ANKRD30BL: variants seen among roughly 807,000 people sequenced by gnomAD.
The protein encoded by ANKRD30BL is ankyrin repeat domain 30B like.
Under a neutral mutation model 18.4 loss-of-function variants are expected in ANKRD30BL, and 20 were observed. The ratio of observed to expected loss-of-function variants is 1.09; its 90% CI spans 0.77 to 1.58. The LOEUF is 1.58. ANKRD30BL is among the 40% of genes most tolerant of loss of function. The pLI, the probability that ANKRD30BL is intolerant of heterozygous loss-of-function variation, is 0.00. For synonymous variants in ANKRD30BL, 72 were observed against 100.9 expected (o/e 0.71, Z 1.72); for missense variants, 224 against 268.6 (o/e 0.83, Z 1.16).
chr2:132,174,697 A>C (rs1371198363), intron 1 of ANKRD30BL, among the ~76,000 whole-genome samples: 1 of 152,218 alleles, frequency 6.6e-6, no homozygotes, highest in Admixed American at 6.5e-5. Flanking sequence ...ACAGTTTAAG[A>C]AGTCAGATCT....
intron 3 of ANKRD30BL, chr2:132,155,373 C>T (rs750890199): frequency 6.6e-6 from 1 of 152,084 alleles, no homozygotes; most frequent in African/African-American, 2.4e-5. Flanking sequence ...AAAGCTTCCC[C>T]CCAAAAATGG....
chr2:132,243,825 A>G (rs1349970626), intron 1 of ANKRD30BL, among the ~76,000 whole-genome samples: 23 of 152,206 alleles, frequency 1.5e-4, no homozygotes, highest in Admixed American at 1.5e-3. Context: ...TACATTGAGC[A>G]GTTTTGAAAC....
At chr2:132,234,599 A>C (rs1406830687) in intron 1 of ANKRD30BL, among the ~76,000 whole-genome samples, 9 of 152,160 alleles carry the variant, frequency 5.9e-5, no homozygotes, top group East Asian at 5.8e-4. Context: ...GAAATGGATA[A>C]ATCCCTTGAC....
intron 1 of ANKRD30BL, among the ~76,000 whole-genome samples, chr2:132,158,067 G>A (rs1687959316): frequency 6.6e-6 from 1 of 151,996 alleles, no homozygotes; most frequent in Non-Finnish European, 1.5e-5. Context: ...ATCTTGTATT[G>A]GTACATAAAT....
intron 1 of ANKRD30BL, among the ~76,000 whole-genome samples, chr2:132,171,083 A>G (rs181865003): frequency 6.7e-6 from 1 of 149,824 alleles, no homozygotes; most frequent in Non-Finnish European, 1.5e-5. Flanking sequence ...GTGAACCCGG[A>G]GGCGGAGCCT....
chr2:132,180,204 C>G (rs1688437881), intron 1 of ANKRD30BL, among the ~76,000 whole-genome samples: 1 of 146,680 alleles, frequency 6.8e-6, no homozygotes, highest in African/African-American at 2.6e-5. Flanking sequence ...TGGTAAGTGC[C>G]CTCTACAAGT....
chr2:132,197,676 A>G (rs1678994671), intron 1 of ANKRD30BL, among the ~76,000 whole-genome samples: 1 of 151,752 alleles, frequency 6.6e-6, no homozygotes, highest in Non-Finnish European at 1.5e-5. Context: ...TAGATTATTT[A>G]TTTATAGGTT....
chr2:132,205,269 G>A (rs967431173), intron 1 of ANKRD30BL, among the ~76,000 whole-genome samples: 19 of 152,068 alleles, frequency 1.2e-4, no homozygotes, highest in African/African-American at 4.4e-4. Flanking sequence ...ATTAAGACTA[G>A]TACTTACACA....
chr2:132,239,378 T>C (rs79190897), intron 1 of ANKRD30BL, among the ~76,000 whole-genome samples: 1 of 152,066 alleles, frequency 6.6e-6, no homozygotes, highest in Admixed American at 6.6e-5. Flanking sequence ...AACATTCCTT[T>C]TCATAGAGCA....
intron 1 of ANKRD30BL, among the ~76,000 whole-genome samples, chr2:132,228,214 T>A (rs1185238156): frequency 2.0e-5 from 3 of 151,758 alleles, no homozygotes; most frequent in African/African-American, 7.3e-5. Flanking sequence ...ATCTGCAAGT[T>A]AACATTTGGA....
At chr2:132,245,719 CT>C (rs199682602) in intron 1 of ANKRD30BL, among the ~76,000 whole-genome samples, 2 of 152,056 alleles carry the variant, frequency 1.3e-5, no homozygotes, top group African/African-American at 4.8e-5. Context: ...TTGAAACACT[CT>C]TTTTTTGTAG....
At chr2:132,206,901 A>G (rs201525046) in intron 1 of ANKRD30BL, among the ~76,000 whole-genome samples, 1 of 152,240 alleles carries the variant, frequency 6.6e-6, no homozygotes, top group Non-Finnish European at 1.5e-5. Context: ...CTTCATTGTC[A>G]TTGCTTGGCT....
intron 1 of ANKRD30BL, among the ~76,000 whole-genome samples, chr2:132,254,685 G>A (rs537146531): frequency 2.8e-4 from 42 of 152,302 alleles, no homozygotes; most frequent in South Asian, 1.2e-3. Context: ...TGTAGCGCGC[G>A]TGCAGCCCTG....
At chr2:132,201,214 C>T (rs565420058) in intron 1 of ANKRD30BL, among the ~76,000 whole-genome samples, 1 of 152,254 alleles carries the variant, frequency 6.6e-6, no homozygotes, top group African/African-American at 2.4e-5. Flanking sequence ...CTAGGCTTTA[C>T]CATTCAGGAC....
At chr2:132,214,081 T>C (rs1394771182) in intron 1 of ANKRD30BL, among the ~76,000 whole-genome samples, 1 of 152,184 alleles carries the variant, frequency 6.6e-6, no homozygotes, top group Non-Finnish European at 1.5e-5. Context: ...ATTGAGCAGC[T>C]TTGAAACACT....
intron 1 of ANKRD30BL, among the ~76,000 whole-genome samples, chr2:132,175,435 C>T (rs1408111259): frequency 6.6e-5 from 10 of 152,206 alleles, no homozygotes; most frequent in Admixed American, 5.9e-4. Flanking sequence ...TGCCTCCTGC[C>T]ATAAGGTGGT....
At chr2:132,181,793 A>G (rs1688467841) in intron 1 of ANKRD30BL, among the ~76,000 whole-genome samples, 1 of 152,188 alleles carries the variant, frequency 6.6e-6, no homozygotes, top group Non-Finnish European at 1.5e-5. Context: ...GAAGAACATG[A>G]CAGGATGAAC....
In ANKRD30BL at chr2:132,157,048, A is replaced by G. The variant is rs767013216; in HGVS notation, c.432T>C (p.Tyr144=). Residue 144 remains tyrosine (Y), a synonymous_variant, in exon 3 of 6, where the codon TAT becomes TAC. Coordinates refer to ENST00000409867, the MANE Select transcript of ANKRD30BL (RefSeq NM_001358416.1). ...VDVYGNTAVH[Y]AVNSENLSVV... Reference sequence around the variant, plus strand: ...CTGACAAATTCTCACTGTTAACAGCATAATGGACAGCTGTGTTGCCATACA... The same window carrying G: ...CTGACAAATTCTCACTGTTAACAGCGTAATGGACAGCTGTGTTGCCATACA... The G allele has an allele frequency of 7.2e-7, 1 of 1,384,934 alleles. No homozygotes were observed. The highest frequency in any genetic ancestry group is 1.0e-6 in the Non-Finnish European group (1 of 999,604). 85.8% of individuals were successfully genotyped at this position (1,384,934 alleles called of 1,614,324 possible).
chr2:132,222,347 C>T (rs1390583873), intron 1 of ANKRD30BL, among the ~76,000 whole-genome samples: 1 of 152,128 alleles, frequency 6.6e-6, no homozygotes, highest in African/African-American at 2.4e-5. Flanking sequence ...CCCAGCGGCT[C>T]ACTGGGGATG....
Sources: gnomAD v4.1 joint callset for allele counts (sites outside exome capture counted in the v4.1 genomes callset) on GRCh38, gnomAD v4.1.1 for gene constraint, MANE v1.5 for transcripts, NCBI Gene and HGNC (gene_info 2026-07-23, HGNC 2026-07-21) for gene names.